The following GRIK1 variants were observed in gnomAD, a reference collection of about 807,000 sequenced individuals.
GRIK1 encodes the protein glutamate ionotropic receptor kainate type subunit 1.
Under a neutral mutation model 105.7 loss-of-function variants are expected in GRIK1, and 69 were observed. The observed-to-expected ratio is 0.65, with a 90% confidence interval of 0.54 to 0.80. The LOEUF is 0.80. Ranked by LOEUF, GRIK1 falls within the 30% of genes least tolerant of loss-of-function variation. The pLI is 0.00. For missense variants in GRIK1, 1,109 were observed against 1,167.3 expected, an observed-to-expected ratio of 0.95 and a Z score of 0.73; for synonymous variants, 438 against 431.3, an observed-to-expected ratio of 1.02 and a Z score of -0.19.
chr21:29,591,075 T>C (rs2061326087), intron 10 of GRIK1, 37 bp downstream of exon 10: 1 of 1,110,472 alleles, frequency 9.0e-7, no homozygotes, highest in African/African-American at 1.5e-5. Context: ...GGCAGGAGCC[T>C]GGATAAGACA....
chr21:29,644,291 A>T (rs1275493751), intron 6 of GRIK1, among the ~76,000 whole-genome samples: 2 of 151,978 alleles, frequency 1.3e-5, no homozygotes, highest in African/African-American at 2.4e-5. Flanking sequence ...ATGGTCATGG[A>T]TCTTTATGTC....
intron 1 of GRIK1, among the ~76,000 whole-genome samples, chr21:29,824,791 G>A (rs2067403924): frequency 6.6e-6 from 1 of 151,998 alleles, no homozygotes; most frequent in East Asian, 1.9e-4. Flanking sequence ...GCAATACTAT[G>A]GAGGGTCATA....
At chr21:29,737,437 T>C (rs1256062941) in intron 1 of GRIK1, among the ~76,000 whole-genome samples, 1 of 152,172 alleles carries the variant, frequency 6.6e-6, no homozygotes, top group Non-Finnish European at 1.5e-5. Context: ...ATGAAACGAC[T>C]GAGGAGGCTT....
At chr21:29,741,305 T>C (rs2064919767) in intron 1 of GRIK1, among the ~76,000 whole-genome samples, 1 of 152,250 alleles carries the variant, frequency 6.6e-6, no homozygotes, top group South Asian at 2.1e-4. Context: ...TTTAATGATG[T>C]TCAATCATTG....
At chr21:29,775,028 C>T (rs117736015) in intron 1 of GRIK1, among the ~76,000 whole-genome samples, 4,786 of 152,128 alleles carry the variant, frequency 0.031, 122 homozygotes, top group Middle Eastern at 0.072. Context: ...AAAACATCCA[C>T]CAAAACTCAG....
chr21:29,757,805 C>T (rs1436061260), intron 1 of GRIK1, among the ~76,000 whole-genome samples: 1 of 152,220 alleles, frequency 6.6e-6, no homozygotes, highest in African/African-American at 2.4e-5. Flanking sequence ...TTCCTGGCCT[C>T]TACCCATTAA....
At chr21:29,651,371 G>C (rs2062733577) in intron 5 of GRIK1, 80 bp from the exon 6 acceptor site, 1 of 908,660 alleles carries the variant, frequency 1.1e-6, no homozygotes, top group African/African-American at 1.7e-5. Context: ...AATGATTGTA[G>C]CACCAACTAA....
At chr21:29,853,885 A>T (rs2068381402) in intron 1 of GRIK1, among the ~76,000 whole-genome samples, 1 of 152,184 alleles carries the variant, frequency 6.6e-6, no homozygotes, top group South Asian at 2.1e-4. Flanking sequence ...CAAAAATTAG[A>T]AGAACAGTAA....
rs7276204 is a variant in GRIK1 at position 29,618,698 on chromosome 21, T to G, written c.1099-19761A>C. On this transcript the variant is annotated intron_variant, in intron 7 of 17. Transcript: ENST00000327783. ...TACTCAGCCATAAAAAGGAATGAAT[T>G]AATGGCGTTCACAGCAACCTGGATG... is the stretch of plus-strand genomic sequence containing the variant. 4.2e-3 allele frequency among the ~76,000 whole-genome samples: 644 copies of G among 152,322 alleles called. 4 individuals are homozygous for G. The highest frequency in any genetic ancestry group is 0.015 in the African/African-American group (617 of 41,560).
At chr21:29,923,669 C>A (rs1311603632) in intron 1 of GRIK1, among the ~76,000 whole-genome samples, 1 of 152,202 alleles carries the variant, frequency 6.6e-6, no homozygotes, top group Non-Finnish European at 1.5e-5. Flanking sequence ...GTTCTTACAT[C>A]TTAAGCCCAT....
chr21:29,668,128 G>A (rs1175601556), intron 4 of GRIK1, among the ~76,000 whole-genome samples: 3 of 152,198 alleles, frequency 2.0e-5, no homozygotes, highest in Non-Finnish European at 4.4e-5. Context: ...ATTCAACAGA[G>A]CTGTACTGAA....
intron 3 of GRIK1, among the ~76,000 whole-genome samples, chr21:29,686,813 G>T (rs1488827682): frequency 6.6e-6 from 1 of 152,194 alleles, no homozygotes; most frequent in African/African-American, 2.4e-5. Context: ...GGCAGAAACT[G>T]CTGAATATGC....
chr21:29,864,586 T>A (rs764761439), intron 1 of GRIK1, among the ~76,000 whole-genome samples: 3 of 152,364 alleles, frequency 2.0e-5, no homozygotes, highest in Non-Finnish European at 4.4e-5. Context: ...TGTTATTATT[T>A]GATGGATGTT....
intron 3 of GRIK1, among the ~76,000 whole-genome samples, chr21:29,683,104 G>A (rs1257072245): frequency 6.6e-6 from 1 of 152,162 alleles, no homozygotes; most frequent in Non-Finnish European, 1.5e-5. Context: ...CAGTCACAAT[G>A]GCTATTATTA....
intron 1 of GRIK1, among the ~76,000 whole-genome samples, chr21:29,774,379 G>A (rs1398857681): frequency 1.3e-5 from 2 of 151,800 alleles, no homozygotes; most frequent in African/African-American, 4.8e-5. Flanking sequence ...TTGGAACAGA[G>A]GTAAAGGAAA....
chr21:29,895,398 CT>C (rs1229999632), intron 1 of GRIK1, among the ~76,000 whole-genome samples: 1 of 152,174 alleles, frequency 6.6e-6, no homozygotes, highest in African/African-American at 2.4e-5. Flanking sequence ...GTTCATTGCA[CT>C]TTCCCCCTTT....
chr21:29,909,810 G>A (rs557976824), intron 1 of GRIK1, among the ~76,000 whole-genome samples: 8 of 152,170 alleles, frequency 5.3e-5, no homozygotes, highest in African/African-American at 1.9e-4. Context: ...TGGGCGTCTG[G>A]GAATCAGCAA....
intron 1 of GRIK1, among the ~76,000 whole-genome samples, chr21:29,751,157 T>C (rs1393405169): frequency 6.6e-6 from 1 of 152,214 alleles, no homozygotes; most frequent in African/African-American, 2.4e-5. Flanking sequence ...CTTCAGTTAC[T>C]TCAGGCCATC....
chr21:29,652,077 T>C (rs1046862984), intron 5 of GRIK1, among the ~76,000 whole-genome samples: 29 of 152,294 alleles, frequency 1.9e-4, no homozygotes, highest in Admixed American at 1.6e-3. Flanking sequence ...GGATGTAACA[T>C]TCTAAAAAGC....
Sources: allele counts gnomAD v4.1 joint callset (sites outside exome capture counted in the v4.1 genomes callset), GRCh38; gene constraint gnomAD v4.1.1; transcripts MANE v1.5; gene names NCBI Gene and HGNC (gene_info 2026-07-23, HGNC 2026-07-21).